Variants in ADAMTSL1 observed in about 807,000 individuals in gnomAD.
ADAMTSL1 encodes ADAMTS-like protein 1.
ADAMTSL1 carries 126 observed loss-of-function variants against 201.8 expected under a neutral mutation model. That is an observed-to-expected ratio of 0.62 (90% confidence interval 0.54 to 0.72). The LOEUF is 0.72. ADAMTSL1 is among the 30% of genes least tolerant of loss of function. The pLI, the probability that ADAMTSL1 is intolerant of heterozygous loss-of-function variation, is 0.00. For synonymous variants in ADAMTSL1, 1,121 were observed against 903.4 expected (o/e 1.24, Z -4.32); for missense variants, 2,679 against 2,277.8 (o/e 1.18, Z -3.59).
intron 1 of ADAMTSL1, among the ~76,000 whole-genome samples, chr9:18,130,760 G>T (rs1391214505): frequency 6.6e-6 from 1 of 152,024 alleles, no homozygotes; most frequent in Non-Finnish European, 1.5e-5. Flanking sequence ...TTAACAGACT[G>T]TTGCCTCCTC....
intron 9 of ADAMTSL1, among the ~76,000 whole-genome samples, chr9:18,675,054 A>AT (rs1332734792): frequency 3.3e-5 from 5 of 152,156 alleles, no homozygotes; most frequent in Non-Finnish European, 5.9e-5. Context: ...CCTATGATAT[A>AT]TCTTGTGGAT....
At chr9:18,246,938 C>A (rs1831276642) in intron 2 of ADAMTSL1, among the ~76,000 whole-genome samples, 1 of 152,114 alleles carries the variant, frequency 6.6e-6, no homozygotes, top group Non-Finnish European at 1.5e-5. Flanking sequence ...ATTACTGTTT[C>A]TAAAGCTCAA....
intron 23 of ADAMTSL1, among the ~76,000 whole-genome samples, chr9:18,875,352 A>G (rs1182581585): frequency 1.3e-5 from 2 of 151,808 alleles, no homozygotes; most frequent in African/African-American, 4.8e-5. Context: ...TAGATTGTCT[A>G]TTTGTGCTCT....
At chr9:18,164,796 C>G (rs1053062705) in intron 2 of ADAMTSL1, among the ~76,000 whole-genome samples, 1 of 151,878 alleles carries the variant, frequency 6.6e-6, no homozygotes, top group African/African-American at 2.4e-5. Flanking sequence ...CTTCTGTACC[C>G]TAACTCTTGA....
rs187172800 is a variant in ADAMTSL1 at position 18,444,562 on chromosome 9, G to C, written c.208-60267G>C. ...TAAGGATAAAAACATAAGGCTTGAA[G>C]ATTGGCCTCAAGCAGATCCTCAGTA... On this transcript the variant is annotated intron_variant, in intron 2 of 29. Coordinates refer to the ADAMTSL1 transcript ENST00000680146. 8.5e-3 allele frequency among the ~76,000 whole-genome samples: 1,295 copies of C among 152,250 alleles called. 15 individuals carry two copies. The highest frequency in any genetic ancestry group is 0.024 in the Middle Eastern group (7 of 294).
chr9:18,805,021 A>G (rs1034826873), intron 20 of ADAMTSL1, among the ~76,000 whole-genome samples: 4 of 152,248 alleles, frequency 2.6e-5, no homozygotes, highest in Non-Finnish European at 5.9e-5. Flanking sequence ...TTTAATTAGT[A>G]GACATCACTG....
chr9:18,015,399 A>G (rs1024324215), intron 1 of ADAMTSL1, among the ~76,000 whole-genome samples: 2 of 151,788 alleles, frequency 1.3e-5, no homozygotes, highest in Non-Finnish European at 2.9e-5. Context: ...AGCTATTAAC[A>G]ACTCCCTTTC....
chr9:18,626,765 G>T (rs373750591), intron 5 of ADAMTSL1, among the ~76,000 whole-genome samples: 3 of 152,130 alleles, frequency 2.0e-5, no homozygotes, highest in South Asian at 2.1e-4. Flanking sequence ...TGGAAATGAT[G>T]AGAAGTGATC....
rs1027324015 is a variant in ADAMTSL1 at position 18,340,157 on chromosome 9, C to G, written c.208-164672C>G. On this transcript the variant is annotated intron_variant, in intron 2 of 29. Coordinates refer to the ADAMTSL1 transcript ENST00000680146. ...AAATCTGGGGCTTCCCCAACACCAC[C>G]TATTCTTTAGCTTTATTCTGTCTGG... 4.6e-5 allele frequency among the ~76,000 whole-genome samples: 7 copies of G among 152,280 alleles called. No homozygotes were observed. The South Asian group carries it at 1.4e-3, about 32-fold the overall frequency.
chr9:18,709,330 G>A (rs191718159), intron 14 of ADAMTSL1, among the ~76,000 whole-genome samples: 3 of 152,256 alleles, frequency 2.0e-5, no homozygotes, highest in East Asian at 3.9e-4. Context: ...TCACCAAAAT[G>A]TCACCCACAA....
At chr9:18,169,122 T>C (rs541830552) in intron 2 of ADAMTSL1, among the ~76,000 whole-genome samples, 7 of 140,742 alleles carry the variant, frequency 5.0e-5, no homozygotes, top group Non-Finnish European at 9.4e-5. Flanking sequence ...AGAAGCTCTT[T>C]AGTTTAATGA....
chr9:18,771,171 G>C (rs1288630473), intron 17 of ADAMTSL1, among the ~76,000 whole-genome samples: 3 of 152,234 alleles, frequency 2.0e-5, no homozygotes, highest in Non-Finnish European at 2.9e-5. Flanking sequence ...TATTCAGGAA[G>C]GGCAAAGCCT....
At chr9:18,480,789 T>G (rs1329609539) in intron 1 of ADAMTSL1, among the ~76,000 whole-genome samples, 2 of 152,102 alleles carry the variant, frequency 1.3e-5, no homozygotes, top group African/African-American at 4.8e-5. Flanking sequence ...ATACCTGAAG[T>G]GTGATAAGTA....
intron 2 of ADAMTSL1, among the ~76,000 whole-genome samples, chr9:18,387,487 T>A (rs1385600334): frequency 6.6e-6 from 1 of 152,164 alleles, no homozygotes; most frequent in African/African-American, 2.4e-5. Flanking sequence ...TTCTAAATTA[T>A]TACTAAATTT....
intron 1 of ADAMTSL1, among the ~76,000 whole-genome samples, chr9:18,074,532 T>TTCTTTTCTTC (rs1823120020): frequency 2.1e-5 from 3 of 145,616 alleles, no homozygotes; most frequent in Non-Finnish European, 4.5e-5. Flanking sequence ...TTCTTTTCTT[T>TTCTTTTCTTC]TCTTCTCTCT....
chr9:18,382,652 T>C (rs1451216151), intron 2 of ADAMTSL1, among the ~76,000 whole-genome samples: 1 of 152,092 alleles, frequency 6.6e-6, no homozygotes, highest in East Asian at 1.9e-4. Context: ...TAGAGGTATG[T>C]TAATGGCAGG....
At chr9:18,064,575 A>AGGAG (rs1822608566) in intron 1 of ADAMTSL1, among the ~76,000 whole-genome samples, 4 of 152,148 alleles carry the variant, frequency 2.6e-5, no homozygotes, top group African/African-American at 4.8e-5. Context: ...GGTGTTTGAG[A>AGGAG]GCAGAACTTC....
chr9:17,948,292 G>A (rs1014629494), intron 1 of ADAMTSL1, among the ~76,000 whole-genome samples: 4 of 152,158 alleles, frequency 2.6e-5, no homozygotes, highest in Non-Finnish European at 1.5e-5. Flanking sequence ...GGCTGACTGC[G>A]AGACCTTTAT....
At position 18,234,121 on chromosome 9, in the gene ADAMTSL1, T is replaced by G. The variant is rs140799206; in HGVS notation, c.207+70140T>G. ...GGACAGGGCTTGCTAAAGGTTTGGATGTGGGGGGTGAGAGTGAGAAAAACG... is the reference window on the plus strand; with the variant it reads ...GGACAGGGCTTGCTAAAGGTTTGGAGGTGGGGGGTGAGAGTGAGAAAAACG... On this transcript the variant is annotated intron_variant, in intron 2 of 29. Transcript: ENST00000680146. 7.9e-5 allele frequency among the ~76,000 whole-genome samples: 12 copies of G among 152,118 alleles called. No homozygotes were observed. In the East Asian group the frequency reaches 2.3e-3, roughly 29 times the overall value.
Sources: gnomAD v4.1 joint callset for allele counts (sites outside exome capture counted in the v4.1 genomes callset) on GRCh38, gnomAD v4.1.1 for gene constraint, MANE v1.5 for transcripts, NCBI Gene and HGNC (gene_info 2026-07-23, HGNC 2026-07-21) for gene names.